Variants in EML6 observed in about 807,000 individuals in gnomAD.
EML6 encodes the protein echinoderm microtubule-associated protein-like 6.
In EML6, 154 loss-of-function variants were observed where a neutral mutation model predicts 240.1. The ratio of observed to expected loss-of-function variants is 0.64; its 90% CI spans 0.56 to 0.73. The LOEUF is 0.73. EML6 is among the 30% of genes least tolerant of loss of function. EML6 has a pLI of 0.00. For synonymous variants in EML6, 1,148 were observed against 899.0 expected, an observed-to-expected ratio of 1.28 and a Z score of -4.95; for missense variants, 2,964 against 2,474.6, an observed-to-expected ratio of 1.20 and a Z score of -4.20.
chr2:54,798,205 C>A (rs1385526013), intron 2 of EML6, among the ~76,000 whole-genome samples: 2 of 152,226 alleles, frequency 1.3e-5, no homozygotes, highest in Non-Finnish European at 2.9e-5. Context: ...TGGAGTCTCG[C>A]CCTGTTGCCC....
chr2:54,951,825 G>A (rs1300325807), intron 30 of EML6, among the ~76,000 whole-genome samples: 1 of 152,150 alleles, frequency 6.6e-6, no homozygotes, highest in Non-Finnish European at 1.5e-5. Context: ...ATCTGAGGGG[G>A]AGGAGGACCT....
At chr2:54,759,735 C>T (rs1667896314) in intron 2 of EML6, among the ~76,000 whole-genome samples, 1 of 152,016 alleles carries the variant, frequency 6.6e-6, no homozygotes, top group African/African-American at 2.4e-5. Context: ...CAGGAGAGAG[C>T]ATGCAGAATC....
chr2:54,886,157 C>CTTTTTTTTTT (rs1558650389), intron 17 of EML6, among the ~76,000 whole-genome samples: 2 of 115,236 alleles, frequency 1.7e-5, no homozygotes, highest in Non-Finnish European at 1.8e-5. Context: ...TTTTTTTAAC[C>CTTTTTTTTTT]TTCTTTTTTT....
At chr2:54,934,314 A>C (rs9309261) in intron 28 of EML6, among the ~76,000 whole-genome samples, 2 of 151,728 alleles carry the variant, frequency 1.3e-5, no homozygotes, top group Non-Finnish European at 2.9e-5. Context: ...CTCATGGGAA[A>C]ATTTGTATCC....
Position 54,950,696 on chromosome 2 carries a change from G to T in EML6, c.4130G>T (p.Arg1377Leu). The T allele has an allele frequency of 6.4e-7, 1 of 1,551,568 alleles. No individual in the cohort carries two copies. Among genetic ancestry groups the T allele is most frequent in the Non-Finnish European group, 8.7e-7 (1 of 1,146,962 alleles). ...HVFGYRGFDC[R>L]NNLHYLNDGA... ...TTTGGCTACAGAGGTTTCGACTGTC[G>T]AAATAACCTGCATTACCTTAATGAT... The change falls in exon 30 of 42, where the codon CGA (arginine) becomes CTA (leucine). Residue 1377 changes from arginine to leucine, a missense_variant. Transcript: ENST00000356458.
At chr2:54,917,379 T>G (rs1341143344) in intron 26 of EML6, among the ~76,000 whole-genome samples, 4 of 151,596 alleles carry the variant, frequency 2.6e-5, no homozygotes, top group Non-Finnish European at 5.9e-5. Context: ...TTTTTTTGTT[T>G]TTTGAGACGG....
intron 12 of EML6, among the ~76,000 whole-genome samples, chr2:54,861,438 A>G (rs753015205): frequency 1.2e-4 from 19 of 152,168 alleles, no homozygotes; most frequent in Non-Finnish European, 2.1e-4. Context: ...GAGTACAGGC[A>G]TTTGTCACAG....
chr2:54,832,026 G>A (rs1668894363), intron 7 of EML6, among the ~76,000 whole-genome samples: 1 of 152,138 alleles, frequency 6.6e-6, no homozygotes, highest in South Asian at 2.1e-4. Flanking sequence ...TGCCCTTGGA[G>A]CACCCACCTA....
chr2:54,959,368 CT>C, intron 34 of EML6, 107 bp downstream of exon 34: 3 of 1,120,792 alleles, frequency 2.7e-6, no homozygotes, highest in East Asian at 2.6e-5. Flanking sequence ...ATCCTCCTAT[CT>C]TTTTTGCATT....
chr2:54,734,935 C>A (rs1302015822), intron 2 of EML6, among the ~76,000 whole-genome samples: 1 of 152,210 alleles, frequency 6.6e-6, no homozygotes, highest in African/African-American at 2.4e-5. Flanking sequence ...CTATTATGAT[C>A]TTCTCCCTGG....
At chr2:54,905,979 T>C (rs371548955) in intron 24 of EML6, among the ~76,000 whole-genome samples, 3 of 152,258 alleles carry the variant, frequency 2.0e-5, no homozygotes, top group Non-Finnish European at 4.4e-5. Flanking sequence ...GTGATGCTGC[T>C]ATGAACATGG....
At chr2:54,902,992 G>C (rs533278394) in intron 22 of EML6, 52 bp from the exon 23 acceptor site, 2 of 1,506,410 alleles carry the variant, frequency 1.3e-6, no homozygotes, top group Non-Finnish European at 1.8e-6. Flanking sequence ...CATGTGGTTT[G>C]CTTGACAGTG....
intron 7 of EML6, among the ~76,000 whole-genome samples, chr2:54,835,564 C>G (rs2104227620): frequency 1.3e-5 from 2 of 152,318 alleles, no homozygotes; most frequent in East Asian, 3.9e-4. Flanking sequence ...CTTAGTTCTC[C>G]TGCCCCAGAG....
At chr2:54,889,841 A>T (rs1672371565) in intron 17 of EML6, among the ~76,000 whole-genome samples, 1 of 152,244 alleles carries the variant, frequency 6.6e-6, no homozygotes, top group African/African-American at 2.4e-5. Context: ...TCTATTGGGA[A>T]TGCCATTAAG....
intron 2 of EML6, among the ~76,000 whole-genome samples, chr2:54,793,557 G>GC (rs1380536365): frequency 6.6e-6 from 1 of 151,990 alleles, no homozygotes; most frequent in Non-Finnish European, 1.5e-5. Context: ...TCACACGCCC[G>GC]CAACATAGGC....
intron 26 of EML6, among the ~76,000 whole-genome samples, chr2:54,922,370 A>T (rs1461981515): frequency 1.3e-5 from 2 of 152,310 alleles, no homozygotes; most frequent in African/African-American, 4.8e-5. Flanking sequence ...ACCTGTTAGG[A>T]TGTCTATTAA....
intron 2 of EML6, among the ~76,000 whole-genome samples, chr2:54,807,558 C>A (rs560979912): frequency 5.9e-5 from 9 of 152,290 alleles, no homozygotes; most frequent in Non-Finnish European, 1.2e-4. Flanking sequence ...TGGCTGACTT[C>A]AAGCCACCAA....
At chr2:54,739,900 C>T (rs1041014972) in intron 2 of EML6, among the ~76,000 whole-genome samples, 1 of 152,158 alleles carries the variant, frequency 6.6e-6, no homozygotes, top group Admixed American at 6.5e-5. Context: ...ACTATGAATA[C>T]GTTCTGGAGA....
At chr2:54,968,320 G>A (rs1457428408) in intron 40 of EML6, 39 bp downstream of exon 40, 1 of 1,548,466 alleles carries the variant, frequency 6.5e-7, no homozygotes, top group East Asian at 2.4e-5. Flanking sequence ...CAGGTTCTCT[G>A]TTTGGCCGTC....
Sources: gnomAD v4.1 joint callset for allele counts (sites outside exome capture counted in the v4.1 genomes callset) on GRCh38, gnomAD v4.1.1 for gene constraint, MANE v1.5 for transcripts, NCBI Gene and HGNC (gene_info 2026-07-23, HGNC 2026-07-21) for gene names.